The following MTSS1 variants were observed in gnomAD, a reference collection of about 807,000 sequenced individuals.
MTSS1 encodes protein MTSS 1.
MTSS1 carries 18 observed loss-of-function variants against 79.0 expected under a neutral mutation model. The ratio of observed to expected loss-of-function variants is 0.23; its 90% CI spans 0.16 to 0.34. The LOEUF is 0.34. Ranked by LOEUF, MTSS1 falls within the 10% of genes least tolerant of loss-of-function variation. The pLI is 1.00. For missense variants in MTSS1, 815 were observed against 986.2 expected (o/e 0.83, Z 2.33); for synonymous variants, 341 against 368.6 (o/e 0.93, Z 0.86).
intron 3 of MTSS1, among the ~76,000 whole-genome samples, chr8:124,677,234 A>G (rs1229873874): frequency 6.6e-6 from 1 of 152,216 alleles, no homozygotes; most frequent in East Asian, 1.9e-4. Flanking sequence ...ATTTTACCAA[A>G]GGCAAGGAAA....
intron 3 of MTSS1, among the ~76,000 whole-genome samples, chr8:124,627,996 G>A (rs1337130882): frequency 5.3e-5 from 8 of 152,206 alleles, no homozygotes; most frequent in Middle Eastern, 3.4e-3. Context: ...GTGAAACCCC[G>A]TCTCTACTAA....
intron 1 of MTSS1, among the ~76,000 whole-genome samples, chr8:124,705,032 C>G (rs1169453129): frequency 6.6e-6 from 1 of 152,166 alleles, no homozygotes; most frequent in Non-Finnish European, 1.5e-5. Context: ...CAGGGCAAAG[C>G]AGGCAGGGAC....
intron 1 of MTSS1, among the ~76,000 whole-genome samples, chr8:124,715,341 C>T (rs981922427): frequency 6.6e-6 from 1 of 152,080 alleles, no homozygotes; most frequent in African/African-American, 2.4e-5. Flanking sequence ...TTCTTTTTCT[C>T]TTTCTTCTTT....
At chr8:124,637,960 GAGGTTAAGC>G (rs1261553910) in intron 3 of MTSS1, among the ~76,000 whole-genome samples, 1 of 152,238 alleles carries the variant, frequency 6.6e-6, no homozygotes, top group Non-Finnish European at 1.5e-5. Flanking sequence ...ATAAATTAAG[GAGGTTAAGC>G]AGGGTTTGGC....
chr8:124,567,760 A>C, intron 7 of MTSS1: 1 of 1,525,798 alleles, frequency 6.6e-7, no homozygotes, highest in Non-Finnish European at 8.8e-7. Flanking sequence ...GATCCATGGA[A>C]AAGTTCTGTG....
chr8:124,701,747 C>T (rs548518229), intron 2 of MTSS1, among the ~76,000 whole-genome samples: 77 of 152,226 alleles, frequency 5.1e-4, no homozygotes, highest in Non-Finnish European at 8.4e-4. Flanking sequence ...TCATATTTCA[C>T]TGTCCGCTGT....
chr8:124,614,535 C>T (rs900866473), intron 3 of MTSS1, among the ~76,000 whole-genome samples: 1 of 152,234 alleles, frequency 6.6e-6, no homozygotes, highest in Non-Finnish European at 1.5e-5. Context: ...GCCAACTTCA[C>T]AAAGAGGCGC....
At chr8:124,686,252 C>G (rs1436517792) in intron 3 of MTSS1, among the ~76,000 whole-genome samples, 4 of 152,180 alleles carry the variant, frequency 2.6e-5, no homozygotes, top group African/African-American at 4.8e-5. Context: ...CTCTCCATCA[C>G]GCAGGGAGCG....
At chr8:124,677,289 G>A (rs1825465963) in intron 3 of MTSS1, among the ~76,000 whole-genome samples, 1 of 152,174 alleles carries the variant, frequency 6.6e-6, no homozygotes, top group South Asian at 2.1e-4. Context: ...CACACCCCTA[G>A]CCCTTCCCTC....
chr8:124,554,105 A>G (rs1412017763), intron 13 of MTSS1, among the ~76,000 whole-genome samples: 1 of 152,250 alleles, frequency 6.6e-6, no homozygotes, highest in Non-Finnish European at 1.5e-5. Context: ...CTCCCTGATA[A>G]TTAACTGGAG....
At chr8:124,709,672 G>A (rs1266647376) in intron 1 of MTSS1, among the ~76,000 whole-genome samples, 1 of 152,168 alleles carries the variant, frequency 6.6e-6, no homozygotes, top group Non-Finnish European at 1.5e-5. Context: ...AAAGAAACGG[G>A]AAGAGAAAGC....
At position 124,680,873 on chromosome 8, in the gene MTSS1, G is replaced by A. The variant is rs532608966; in HGVS notation, c.208+18653C>T. ...AGGTCATTGCTTCTCTGCATTTTATGTTACCCCAGTCTCTACTCCTAGGGG... is the reference window on the plus strand; with the variant it reads ...AGGTCATTGCTTCTCTGCATTTTATATTACCCCAGTCTCTACTCCTAGGGG... On this transcript the variant is annotated intron_variant, in intron 3 of 13. Coordinates refer to ENST00000518547, the MANE Select transcript of MTSS1 (RefSeq NM_014751.6). Among the ~76,000 whole-genome samples, 4 of 152,288 alleles carry A rather than the reference G, an allele frequency of 2.6e-5. No individual in the cohort carries two copies. The East Asian group carries it at 7.7e-4, about 29-fold the overall frequency.
intron 1 of MTSS1, among the ~76,000 whole-genome samples, chr8:124,705,269 G>A (rs1036742741): frequency 2.6e-5 from 4 of 152,106 alleles, no homozygotes; most frequent in African/African-American, 9.7e-5. Context: ...CCAGGAGATC[G>A]AGATCAGCCT....
chr8:124,555,950 G>A (rs3838713), intron 12 of MTSS1, 46 bp from the exon 13 acceptor site: 23 of 1,531,164 alleles, frequency 1.5e-5, no homozygotes, highest in Admixed American at 3.6e-5. Flanking sequence ...TAGGGGGGGG[G>A]CTCAACAGCA....
chr8:124,703,955 C>T (rs745851885), intron 2 of MTSS1, among the ~76,000 whole-genome samples, 175 bp downstream of exon 2: 3 of 152,156 alleles, frequency 2.0e-5, no homozygotes, highest in Non-Finnish European at 4.4e-5. Flanking sequence ...ATATGGCAAT[C>T]AGGGCCCAGG....
intron 3 of MTSS1, among the ~76,000 whole-genome samples, chr8:124,598,708 C>G (rs981610856): frequency 1.3e-5 from 2 of 152,232 alleles, no homozygotes; most frequent in African/African-American, 4.8e-5. Context: ...AAACACACAA[C>G]TGACATTCCC....
At position 124,632,995 on chromosome 8, in the gene MTSS1, A is replaced by G. The variant is rs532943044; in HGVS notation, c.209-41760T>C. ...AATCCTGCCTTTCACTAACCCATAC[A>G]TATCATACATAAGGTCAGTAAAAAA... On this transcript the variant is annotated intron_variant, in intron 3 of 13. Transcript: ENST00000518547. Among the ~76,000 whole-genome samples, 10 of 152,102 alleles carry G rather than the reference A, an allele frequency of 6.6e-5. No individual in the cohort carries two copies. In the South Asian group the frequency reaches 1.2e-3, roughly 19 times the overall value.
chr8:124,611,333 C>A (rs369773118), intron 3 of MTSS1, among the ~76,000 whole-genome samples: 1 of 152,214 alleles, frequency 6.6e-6, no homozygotes, highest in Non-Finnish European at 1.5e-5. Context: ...TGGATACAAG[C>A]CCCACTGAAG....
At chr8:124,605,795 G>A (rs994561638) in intron 3 of MTSS1, among the ~76,000 whole-genome samples, 1 of 152,044 alleles carries the variant, frequency 6.6e-6, no homozygotes, top group Non-Finnish European at 1.5e-5. Flanking sequence ...AGAATATAGC[G>A]ACTTTATCAT....
Sources: gnomAD v4.1 joint callset for allele counts (sites outside exome capture counted in the v4.1 genomes callset) on GRCh38, gnomAD v4.1.1 for gene constraint, MANE v1.5 for transcripts, NCBI Gene and HGNC (gene_info 2026-07-23, HGNC 2026-07-21) for gene names.